RASGRP3: variants seen among roughly 807,000 people sequenced by gnomAD.
RASGRP3 encodes ras guanyl-releasing protein 3.
Under a neutral mutation model 82.7 loss-of-function variants are expected in RASGRP3, and 54 were observed. The ratio of observed to expected loss-of-function variants is 0.65; its 90% confidence interval spans 0.52 to 0.82. The LOEUF (loss-of-function observed/expected upper bound fraction) is 0.82. RASGRP3 is among the 40% of genes least tolerant of loss of function. The probability of loss-of-function intolerance (pLI) is 0.00; values close to 1 mark genes in which losing one functional copy is unlikely to be tolerated. For synonymous variants in RASGRP3, 309 were observed against 300.5 expected, an observed-to-expected ratio of 1.03 and a Z score of -0.29; for missense variants, 861 against 828.9, an observed-to-expected ratio of 1.04 and a Z score of -0.48.
intron 14 of RASGRP3, among the ~76,000 whole-genome samples, chr2:33,552,512 G>C (rs1482583018): frequency 6.6e-6 from 1 of 152,028 alleles, no homozygotes; most frequent in Non-Finnish European, 1.5e-5. Context: ...GGTACGATTT[G>C]ATTTGATCTT....
chr2:33,467,421 G>C (rs1666763577), intron 2 of RASGRP3, among the ~76,000 whole-genome samples: 1 of 152,118 alleles, frequency 6.6e-6, no homozygotes, highest in African/African-American at 2.4e-5. Context: ...AAGAAGGGTA[G>C]AGAAATCTCC....
chr2:33,564,489 A>AAAAC lies in RASGRP3; in HGVS notation c.*1754_*1757dup, dbSNP rs1677033611. On this transcript the variant is annotated 3_prime_UTR_variant, in exon 18 of 18. Transcript: ENST00000403687. ...AATAATATGCATGTTAACAACATTA[A>AAAAC]AAACAGCAAACAGCAATCTAAGTAC... 1 of 152,224 alleles carries AAAAC rather than the reference A, an allele frequency of 6.6e-6. No homozygotes were observed. Among genetic ancestry groups the AAAAC allele is most frequent in the Admixed American group, 6.5e-5 (1 of 15,276 alleles). 9.4% of individuals were successfully genotyped at this position (152,224 alleles called of 1,614,324 possible). A position where few individuals can be genotyped will look rare whatever the true frequency, so the allele number is the denominator to read the frequency against.
intron 17 of RASGRP3, among the ~76,000 whole-genome samples, chr2:33,561,554 A>C (rs958458844): frequency 6.6e-6 from 1 of 152,216 alleles, no homozygotes; most frequent in African/African-American, 2.4e-5. Flanking sequence ...GAAGGGAAAA[A>C]AAATGACAAA....
At chr2:33,499,441 C>A (rs922926738) in intron 1 of RASGRP3, among the ~76,000 whole-genome samples, 2 of 152,134 alleles carry the variant, frequency 1.3e-5, no homozygotes, top group Non-Finnish European at 2.9e-5. Flanking sequence ...CACATGTGGT[C>A]CCAGCTACTC....
At chr2:33,448,599 A>C (rs1251864859) in intron 2 of RASGRP3, among the ~76,000 whole-genome samples, 1 of 152,226 alleles carries the variant, frequency 6.6e-6, no homozygotes, top group African/African-American at 2.4e-5. Context: ...ACTTATGTGA[A>C]ATATCTACAA....
chr2:33,526,053 A>G (rs1468838047), intron 9 of RASGRP3, among the ~76,000 whole-genome samples: 1 of 152,290 alleles, frequency 6.6e-6, no homozygotes, highest in Non-Finnish European at 1.5e-5. Context: ...AGGGAAGACT[A>G]CTCACTTCAA....
At chr2:33,534,129 G>A (rs1673367621) in intron 10 of RASGRP3, 194 bp from the exon 11 acceptor site, 2 of 578,686 alleles carry the variant, frequency 3.5e-6, no homozygotes, top group East Asian at 5.8e-5. Flanking sequence ...CGTCAATACT[G>A]ATGATTAACC....
intron 3 of RASGRP3, among the ~76,000 whole-genome samples, chr2:33,515,748 T>A (rs987731332): frequency 2.6e-5 from 4 of 152,170 alleles, no homozygotes; most frequent in Non-Finnish European, 4.4e-5. Context: ...ATGCTCCTTG[T>A]GTTGTTGTTT....
intron 11 of RASGRP3, among the ~76,000 whole-genome samples, chr2:33,538,466 G>A (rs1212534132): frequency 6.6e-6 from 1 of 151,834 alleles, no homozygotes; most frequent in East Asian, 1.9e-4. Flanking sequence ...TCATGCCACT[G>A]CACTCCAGCC....
At chr2:33,468,492 C>CG (rs1264496986) in intron 2 of RASGRP3, among the ~76,000 whole-genome samples, 1 of 151,980 alleles carries the variant, frequency 6.6e-6, no homozygotes, top group Non-Finnish European at 1.5e-5. Context: ...ACCTCTGCTT[C>CG]CGAGGTTCAA....
upstream of RASGRP3, among the ~76,000 whole-genome samples, chr2:33,471,890 A>G (rs1302131571): frequency 1.5e-5 from 1 of 66,180 alleles, no homozygotes; most frequent in East Asian, 4.6e-4. Context: ...TTATTCTCCA[A>G]TCAATGATTT....
intron 1 of RASGRP3, among the ~76,000 whole-genome samples, chr2:33,504,737 C>G (rs1290344724): frequency 1.3e-5 from 2 of 152,176 alleles, no homozygotes; most frequent in Non-Finnish European, 2.9e-5. Context: ...TAGAGGCTTT[C>G]CATGCAATGT....
At chr2:33,547,342 C>CT (rs59601670) in intron 13 of RASGRP3, among the ~76,000 whole-genome samples, 953 of 68,134 alleles carry the variant, frequency 0.014, 121 homozygotes, top group Non-Finnish European at 0.018. Context: ...ATATAGAATC[C>CT]TTTTTTTTTT....
At chr2:33,462,384 CTTT>C (rs375192496) in intron 2 of RASGRP3, among the ~76,000 whole-genome samples, 1 of 138,934 alleles carries the variant, frequency 7.2e-6, no homozygotes, top group Admixed American at 7.3e-5. Flanking sequence ...TTTTGTTTTT[CTTT>C]TTTTTTTTTT....
intron 13 of RASGRP3, among the ~76,000 whole-genome samples, chr2:33,549,144 T>A (rs946857340): frequency 6.6e-6 from 1 of 151,926 alleles, no homozygotes; most frequent in Admixed American, 6.6e-5. Context: ...AAGATATGAG[T>A]GAAAATATCA....
Position 33,446,870 on chromosome 2 carries a change from G to A in RASGRP3, c.-384-950G>A, listed in dbSNP as rs190272923. Among the ~76,000 whole-genome samples the A allele has an allele frequency of 2.0e-5, 3 of 152,120 alleles. No individual in the cohort carries two copies. In the East Asian group the frequency reaches 5.8e-4, roughly 29 times the overall value. ...AAAATGAGGAAGGACTGGGCCGGGT[G>A]CGGTGGCTCACTCCTGTAATCCCAG... On this transcript the variant is annotated intron_variant, in intron 1 of 18. Coordinates refer to the RASGRP3 transcript ENST00000402538.
At chr2:33,458,641 T>G (rs1260623214) in intron 2 of RASGRP3, among the ~76,000 whole-genome samples, 1 of 152,184 alleles carries the variant, frequency 6.6e-6, no homozygotes, top group Non-Finnish European at 1.5e-5. Context: ...AGATGGTATG[T>G]GGAAGAGCGG....
chr2:33,522,057 T>A lies in RASGRP3; in HGVS notation c.471T>A (p.Ala157=), dbSNP rs576595472. Reference sequence around the variant, plus strand: ...ACCATCTGGAGCCCATTGAATTGGCTGAGCACCTCACTTTTCTGGAGCATA... The same window carrying A: ...ACCATCTGGAGCCCATTGAATTGGCAGAGCACCTCACTTTTCTGGAGCATA... The part of the protein sequence containing the change: ...LFDHLEPIEL[A]EHLTFLEHKS... The change falls in exon 7 of 18, where the codon GCT becomes GCA. Residue 157 remains alanine, a synonymous_variant. Transcript: ENST00000403687. 6.2e-7 allele frequency: 1 copy of A among 1,613,124 alleles called. No individual in the cohort carries two copies. The highest frequency in any genetic ancestry group is 8.5e-7 in the Non-Finnish European group (1 of 1,179,672).
At position 33,445,494 on chromosome 2, in the gene RASGRP3, A is replaced by C. The variant is rs376072941; in HGVS notation, c.-384-2326A>C. Among the ~76,000 whole-genome samples the C allele has an allele frequency of 1.8e-4, 28 of 152,344 alleles. No individual in the cohort carries two copies. The Middle Eastern group carries it at 0.017, about 93-fold the overall frequency. The stretch of plus-strand genomic sequence containing the variant: ...GGTAATGGTCCAAAAGTTTGTTTTT[A>C]ATAATTTTCTTGGCCCTCTGAATTC... On this transcript the variant is annotated intron_variant, in intron 1 of 18. Coordinates refer to the RASGRP3 transcript ENST00000402538.
Sources: gnomAD v4.1 joint callset for allele counts (sites outside exome capture counted in the v4.1 genomes callset) on GRCh38, gnomAD v4.1.1 for gene constraint, MANE v1.5 for transcripts, NCBI Gene and HGNC (gene_info 2026-07-23, HGNC 2026-07-21) for gene names.